TTI1: variants seen among roughly 807,000 people sequenced by gnomAD.
TTI1 encodes the protein TELO2-interacting protein 1 homolog.
In TTI1, 52 loss-of-function variants were observed where a neutral mutation model predicts 85.4. That is an observed-to-expected ratio of 0.61 (90% confidence interval 0.49 to 0.77). The LOEUF (loss-of-function observed/expected upper bound fraction) is 0.77. Ranked by LOEUF, TTI1 falls within the 30% of genes least tolerant of loss-of-function variation. The probability of loss-of-function intolerance (pLI) is 0.00; values close to 1 mark genes in which losing one functional copy is unlikely to be tolerated. For missense variants in TTI1, 1,173 were observed against 1,296.0 expected, an observed-to-expected ratio of 0.91 and a Z score of 1.46; for synonymous variants, 512 against 503.9, an observed-to-expected ratio of 1.02 and a Z score of -0.22.
intron 7 of TTI1, among the ~76,000 whole-genome samples, chr20:37,984,823 C>T (rs775615289): frequency 3.0e-4 from 45 of 152,186 alleles, no homozygotes; most frequent in Non-Finnish European, 4.7e-4. Flanking sequence ...TGCTGTATCT[C>T]GGGCACCTGG....
At chr20:38,023,141 T>G (rs964084961) in intron 1 of TTI1, among the ~76,000 whole-genome samples, 1 of 152,226 alleles carries the variant, frequency 6.6e-6, no homozygotes, top group African/African-American at 2.4e-5. Flanking sequence ...GCTAGGTATT[T>G]ATTGTATTCC....
intron 7 of TTI1, among the ~76,000 whole-genome samples, chr20:37,984,406 T>TGGTTTTTA (rs2073163721): frequency 6.6e-6 from 1 of 152,102 alleles, no homozygotes; most frequent in Non-Finnish European, 1.5e-5. Flanking sequence ...CCACCGAGGG[T>TGGTTTTTA]GGTTTTTATC....
intron 7 of TTI1, among the ~76,000 whole-genome samples, chr20:37,989,279 C>G (rs1907349581): frequency 6.6e-6 from 1 of 152,196 alleles, no homozygotes; most frequent in African/African-American, 2.4e-5. Flanking sequence ...AACATGCATA[C>G]TCACACAGAG....
At chr20:38,022,801 G>A (rs985472341) in intron 1 of TTI1, among the ~76,000 whole-genome samples, 2 of 152,152 alleles carry the variant, frequency 1.3e-5, no homozygotes, top group Admixed American at 6.5e-5. Flanking sequence ...AGAACAAGTC[G>A]TAAGATGAAA....
chr20:38,016,952 T>A (rs2073691421), intron 1 of TTI1, among the ~76,000 whole-genome samples: 1 of 152,220 alleles, frequency 6.6e-6, no homozygotes, highest in African/African-American at 2.4e-5. Context: ...GCCAACCTCA[T>A]TTTTCATTAT....
Position 38,012,471 on chromosome 20 carries a change from C to A in TTI1, c.1346G>T (p.Arg449Leu), listed in dbSNP as rs373247605. Residue 449 changes from arginine to leucine, a missense_variant, in exon 2 of 8, where the codon CGG becomes CTG. Arg to Leu is a moderately radical substitution (Grantham distance 102). Transcript: ENST00000373447. ...ATTCAGATCATCAGAGTTCCAACGC[C>A]GTTCCTCAACAATCTTGATGTCAGC... ...DVADIKIVEE[R>L]RWNSDDLNAS... 3.5e-5 allele frequency: 57 copies of A among 1,614,068 alleles called. No homozygotes were observed. Among genetic ancestry groups the A allele is most frequent in the Non-Finnish European group, 4.8e-5 (57 of 1,180,054 alleles).
At position 38,010,650 on chromosome 20, in the gene TTI1, T is replaced by A. The variant is rs557770472; in HGVS notation, c.2302+865A>T. 1.2e-3 allele frequency among the ~76,000 whole-genome samples: 173 copies of A among 147,434 alleles called. 2 individuals are homozygous for A. The highest frequency in any genetic ancestry group is 3.9e-3 in the African/African-American group (153 of 39,662). ...CACGTCTGGCTAATTTTTTTTTTTT[T>A]ATTTTTTAGTAGAGACGGGGTTTCA... On this transcript the variant is annotated intron_variant, in intron 2 of 7. Coordinates refer to ENST00000373447, the MANE Select transcript of TTI1 (RefSeq NM_001303457.2).
At chr20:38,000,368 C>T (rs2073405049) in intron 4 of TTI1, 1 of 152,160 alleles carries the variant, frequency 6.6e-6, no homozygotes, top group African/African-American at 2.5e-5. Flanking sequence ...GATATTTTAC[C>T]TTCCTTGTTT....
At position 38,009,725 on chromosome 20, in the gene TTI1, A is replaced by C. The variant is rs563721140; in HGVS notation, c.2302+1790T>G. ...ACTAGGTTGCCCAGGCTGGTCTTGA[A>C]CTCCTGGGCTCAAGCAATCCGCCCA... On this transcript the variant is annotated intron_variant, in intron 2 of 7. Coordinates refer to ENST00000373447, the MANE Select transcript of TTI1 (RefSeq NM_001303457.2). 2.0e-5 allele frequency among the ~76,000 whole-genome samples: 3 copies of C among 151,730 alleles called. No individual in the cohort carries two copies. In the South Asian group the frequency reaches 6.3e-4, roughly 32 times the overall value.
At chr20:38,017,334 T>G (rs1016185308) in intron 1 of TTI1, among the ~76,000 whole-genome samples, 6 of 151,896 alleles carry the variant, frequency 4.0e-5, no homozygotes, top group African/African-American at 1.5e-4. Flanking sequence ...CATCCAATAC[T>G]TGTGGAAGCA....
chr20:37,987,390 G>A (rs1401757417), intron 7 of TTI1: 1 of 456,480 alleles, frequency 2.2e-6, no homozygotes, highest in African/African-American at 2.0e-5. Flanking sequence ...GCGATGCGCA[G>A]GGATGGCTGT....
chr20:38,023,839 A>G (rs1248331316), intron 1 of TTI1, among the ~76,000 whole-genome samples: 1 of 152,232 alleles, frequency 6.6e-6, no homozygotes, highest in Admixed American at 6.5e-5. Flanking sequence ...AGTGTGCTAA[A>G]TTCTTGACAA....
intron 7 of TTI1, chr20:37,987,066 G>C (rs556065670): frequency 2.4e-6 from 1 of 423,960 alleles, no homozygotes; most frequent in East Asian, 7.1e-5. Flanking sequence ...ACTCCGAGAG[G>C]CAGGCGGCCT....
chr20:38,028,884 T>A (rs896787186), intron 1 of TTI1, among the ~76,000 whole-genome samples: 3 of 152,180 alleles, frequency 2.0e-5, no homozygotes, highest in African/African-American at 7.2e-5. Context: ...AATTTTTGTA[T>A]TTTTTAAAGA....
chr20:38,025,065 G>A (rs2073818860), intron 1 of TTI1, among the ~76,000 whole-genome samples: 1 of 152,114 alleles, frequency 6.6e-6, no homozygotes, highest in South Asian at 2.1e-4. Context: ...GAGGAACTTG[G>A]ACTTCTACCT....
intron 1 of TTI1, among the ~76,000 whole-genome samples, chr20:38,022,887 G>A (rs529862072): frequency 6.6e-6 from 1 of 152,158 alleles, no homozygotes; most frequent in Non-Finnish European, 1.5e-5. Flanking sequence ...TCTAGCCCTG[G>A]CTCTTACAGT....
Position 38,024,343 on chromosome 20 carries a change from A to G in TTI1, c.-42+9061T>C, listed in dbSNP as rs181788734. ...TTCTCGGGAGATGGAGTAGGCATAC[A>G]TTTCCCTATTCTTTTTGTTAAGTAT... is the stretch of plus-strand genomic sequence containing the variant. On this transcript the variant is annotated intron_variant, in intron 1 of 7. Coordinates refer to ENST00000373447, the MANE Select transcript of TTI1 (RefSeq NM_001303457.2). Among the ~76,000 whole-genome samples, 450 of 152,302 alleles carry G rather than the reference A, an allele frequency of 3.0e-3. 1 individual carries two copies. The highest frequency in any genetic ancestry group is 0.014 in the Middle Eastern group (4 of 294).
rs1191642805 is a variant in TTI1 at position 38,020,324 on chromosome 20, ATATATATATAT to A, written c.-41-6478_-41-6468del. Among the ~76,000 whole-genome samples, 10 of 45,814 alleles carry A rather than the reference ATATATATATAT, an allele frequency of 2.2e-4. No individual in the cohort carries two copies. In the South Asian group the frequency reaches 2.2e-3, roughly 10 times the overall value. 30.1% of individuals were successfully genotyped at this position (45,814 alleles called of 152,430 possible). The stretch of plus-strand genomic sequence containing the variant: ...GCTACTCATATGAAAAAAAAAAAAA[ATATATATATAT>A]ATATATATATATATATATGTATGTA... On this transcript the variant is annotated intron_variant, in intron 1 of 7. Transcript: ENST00000373447.
chr20:38,020,323 A>AAATATATATAT, intron 1 of TTI1, among the ~76,000 whole-genome samples: 91 of 50,360 alleles, frequency 1.8e-3, no homozygotes, highest in Non-Finnish European at 2.6e-3. Context: ...AAAAAAAAAA[A>AAATATATATAT]ATATATATAT....
Sources: allele counts gnomAD v4.1 joint callset (sites outside exome capture counted in the v4.1 genomes callset), GRCh38; gene constraint gnomAD v4.1.1; transcripts MANE v1.5; gene names NCBI Gene and HGNC (gene_info 2026-07-23, HGNC 2026-07-21).